The following AFF1 variants were observed in gnomAD, a reference collection of about 807,000 sequenced individuals.
AFF1 encodes ALF transcription elongation factor 1.
Under a neutral mutation model 121.7 loss-of-function variants are expected in AFF1, and 48 were observed. The ratio of observed to expected loss-of-function variants is 0.39; its 90% CI spans 0.31 to 0.50. The LOEUF is 0.50. Ranked by LOEUF, AFF1 falls within the 20% of genes least tolerant of loss-of-function variation. The pLI, the probability that AFF1 is intolerant of heterozygous loss-of-function variation, is 0.76. For missense variants in AFF1, 1,523 were observed against 1,511.7 expected (o/e 1.01, Z -0.12); for synonymous variants, 613 against 563.0 (o/e 1.09, Z -1.26).
chr4:87,071,062 C>A (rs751674370), intron 4 of AFF1, among the ~76,000 whole-genome samples: 10 of 152,144 alleles, frequency 6.6e-5, no homozygotes, highest in Non-Finnish European at 1.3e-4. Flanking sequence ...GCTAGTTATA[C>A]CTTTTTGGCT....
intron 2 of AFF1, among the ~76,000 whole-genome samples, chr4:86,999,369 ATCT>A (rs1302414895): frequency 2.0e-5 from 3 of 152,174 alleles, no homozygotes; most frequent in African/African-American, 7.2e-5. Flanking sequence ...AGGAGATACT[ATCT>A]TCTTCCTGTA....
At chr4:87,124,202 T>C (rs755230119) in intron 12 of AFF1, among the ~76,000 whole-genome samples, 6 of 152,250 alleles carry the variant, frequency 3.9e-5, no homozygotes, top group Non-Finnish European at 7.3e-5. Context: ...TATAAATGGA[T>C]GCTTTGAAGG....
chr4:87,088,538 T>C (rs761804820), intron 5 of AFF1, among the ~76,000 whole-genome samples: 4 of 152,182 alleles, frequency 2.6e-5, no homozygotes, highest in Admixed American at 6.5e-5. Context: ...GAATACATCA[T>C]GTGTTATACA....
chr4:87,065,960 C>A (rs1397906827), intron 4 of AFF1, among the ~76,000 whole-genome samples: 1 of 152,126 alleles, frequency 6.6e-6, no homozygotes, highest in African/African-American at 2.4e-5. Flanking sequence ...TTATTTTTAA[C>A]TATGCCAGCA....
chr4:87,093,569 C>T (rs1489701418), intron 7 of AFF1, among the ~76,000 whole-genome samples: 1 of 152,084 alleles, frequency 6.6e-6, no homozygotes, highest in Admixed American at 6.6e-5. Context: ...ATTGCAAAAC[C>T]CAGACCCTGT....
chr4:87,031,889 T>G (rs1454733505), intron 2 of AFF1, among the ~76,000 whole-genome samples: 2 of 152,378 alleles, frequency 1.3e-5, no homozygotes, highest in East Asian at 3.8e-4. Context: ...TCTTAATTAC[T>G]TGAACTCTCA....
At chr4:87,109,402 T>TA (rs1179828574) in intron 11 of AFF1, among the ~76,000 whole-genome samples, 2 of 152,254 alleles carry the variant, frequency 1.3e-5, no homozygotes, top group African/African-American at 4.8e-5. Context: ...AAGAGCTTGA[T>TA]ATGTTTTGGA....
rs186642522 is a variant in AFF1 at position 87,057,372 on chromosome 4, C to T, written c.1059+9778C>T. 1.8e-4 allele frequency among the ~76,000 whole-genome samples: 28 copies of T among 152,330 alleles called. No individual in the cohort carries two copies. The East Asian group carries it at 2.3e-3, about 13-fold the overall frequency. On this transcript the variant is annotated intron_variant, in intron 4 of 20. Transcript: ENST00000395146. The stretch of plus-strand genomic sequence containing the variant: ...AAAAGGCGGAGAATTATTTTGGCTT[C>T]ATGGCAGGTGGTACAGCTTGGGCTT...
At chr4:87,044,892 AG>A in intron 2 of AFF1, among the ~76,000 whole-genome samples, 1 of 152,162 alleles carries the variant, frequency 6.6e-6, no homozygotes, top group African/African-American at 2.4e-5. Flanking sequence ...GATCTGCGTC[AG>A]ATTATGGGGG....
intron 4 of AFF1, among the ~76,000 whole-genome samples, chr4:87,055,368 G>A (rs951849213): frequency 5.9e-5 from 9 of 152,160 alleles, no homozygotes. Context: ...TTTTTGGGTG[G>A]TATTAATTGG....
chr4:87,058,134 C>A (rs771897679), intron 4 of AFF1, among the ~76,000 whole-genome samples: 32 of 152,096 alleles, frequency 2.1e-4, no homozygotes, highest in South Asian at 4.1e-4. Flanking sequence ...CAGGAGTCAC[C>A]ATTTTACATG....
chr4:87,031,908 T>C (rs1392172681), intron 2 of AFF1, among the ~76,000 whole-genome samples: 2 of 152,238 alleles, frequency 1.3e-5, no homozygotes, highest in Non-Finnish European at 2.9e-5. Flanking sequence ...CAGATTCTAA[T>C]TTTTAGCGTT....
At chr4:87,052,093 A>G (rs1334464640) in intron 4 of AFF1, among the ~76,000 whole-genome samples, 4 of 152,110 alleles carry the variant, frequency 2.6e-5, no homozygotes, top group African/African-American at 9.7e-5. Context: ...GACGTATTTC[A>G]TTTCAGGCAG....
intron 2 of AFF1, among the ~76,000 whole-genome samples, chr4:87,040,726 C>T (rs1348449819): frequency 6.6e-6 from 1 of 151,782 alleles, no homozygotes; most frequent in East Asian, 1.9e-4. Flanking sequence ...CCTGCCACCA[C>T]ACCCAGCTAA....
At chr4:87,132,224 T>G in intron 18 of AFF1, 47 bp from the exon 19 acceptor site, 1 of 1,586,706 alleles carries the variant, frequency 6.3e-7, no homozygotes, top group Non-Finnish European at 8.6e-7. Flanking sequence ...GCTGCTTTTC[T>G]GTAGTATGAT....
Position 87,111,004 on chromosome 4 carries a change from T to A in AFF1, c.1533+2689T>A, listed in dbSNP as rs187625472. ...TTTTATCTACTTAAACTTTATTTTT[T>A]TTTTTTTATTTTTTTTTTTTTGAGA... On this transcript the variant is annotated intron_variant, in intron 11 of 20. Transcript: ENST00000395146. 1.1e-4 allele frequency among the ~76,000 whole-genome samples: 3 copies of A among 26,158 alleles called. 1 individual carries two copies. The highest frequency in any genetic ancestry group is 2.7e-4 in the Non-Finnish European group (3 of 11,038). 17.2% of individuals were successfully genotyped at this position (26,158 alleles called of 152,430 possible).
intron 4 of AFF1, among the ~76,000 whole-genome samples, chr4:87,063,405 T>C (rs77242328): frequency 6.6e-6 from 1 of 151,948 alleles, no homozygotes; most frequent in African/African-American, 2.4e-5. Context: ...CAATCCTGGC[T>C]AATTTTGTAT....
intron 2 of AFF1, among the ~76,000 whole-genome samples, chr4:87,008,323 G>GACTTAACACGTCTCTGACTT (rs1726381094): frequency 6.6e-6 from 1 of 152,226 alleles, no homozygotes; most frequent in African/African-American, 2.4e-5. Context: ...TAACACGTCT[G>GACTTAACACGTCTCTGACTT]AAGACTCAGA....
At chr4:87,004,551 A>G (rs1014569938) in intron 2 of AFF1, among the ~76,000 whole-genome samples, 2 of 152,230 alleles carry the variant, frequency 1.3e-5, no homozygotes, top group African/African-American at 2.4e-5. Flanking sequence ...CTAGATTCTC[A>G]TACAGGTTAT....
Sources: allele counts gnomAD v4.1 joint callset (sites outside exome capture counted in the v4.1 genomes callset), GRCh38; gene constraint gnomAD v4.1.1; transcripts MANE v1.5; gene names NCBI Gene and HGNC (gene_info 2026-07-23, HGNC 2026-07-21).